SHCBP1: variants seen among roughly 807,000 people sequenced by gnomAD.
SHCBP1 encodes SHC SH2 domain-binding protein 1.
SHCBP1 carries 60 observed loss-of-function variants against 75.1 expected under a neutral mutation model. The ratio of observed to expected loss-of-function variants is 0.80; its 90% CI spans 0.65 to 0.99. SHCBP1 has a LOEUF of 0.99. Ranked by LOEUF, SHCBP1 falls within the 50% of genes least tolerant of loss-of-function variation. The pLI, the probability that SHCBP1 is intolerant of heterozygous loss-of-function variation, is 0.00. For synonymous variants in SHCBP1, 290 were observed against 293.2 expected (o/e 0.99, Z 0.11); for missense variants, 709 against 809.4 (o/e 0.88, Z 1.50).
intron 9 of SHCBP1, 71 bp from the exon 10 acceptor site, chr16:46,595,741 G>T: frequency 2.0e-6 from 2 of 1,009,612 alleles, no homozygotes; most frequent in Non-Finnish European, 1.5e-6. Context: ...ATAGCCTCGC[G>T]CTGACATTAG....
chr16:46,601,937 G>A (rs1965244517), intron 8 of SHCBP1, among the ~76,000 whole-genome samples: 1 of 152,066 alleles, frequency 6.6e-6, no homozygotes. Flanking sequence ...TATATCTCTT[G>A]TTATATTGGT....
In SHCBP1 at chr16:46,618,169, T is replaced by A. The variant is rs200208722; in HGVS notation, c.271+36A>T. Reference sequence around the variant, plus strand: ...CCAGCCTGGACAACAAGAGCGAAACTCCATCTCAAAAAAAAAAAGCAAAAA... The same window carrying A: ...CCAGCCTGGACAACAAGAGCGAAACACCATCTCAAAAAAAAAAAGCAAAAA... On this transcript the variant is annotated intron_variant, in intron 2 of 12. Coordinates refer to ENST00000303383, the MANE Select transcript of SHCBP1 (RefSeq NM_024745.5). 4.1e-4 allele frequency: 643 copies of A among 1,558,952 alleles called. 2 individuals are homozygous for A. In the African/African-American group the frequency reaches 8.0e-3, roughly 19 times the overall value.
At chr16:46,604,527 C>G in intron 5 of SHCBP1, 66 bp from the exon 6 acceptor site, 1 of 1,091,886 alleles carries the variant, frequency 9.2e-7, no homozygotes, top group Non-Finnish European at 1.4e-6. Flanking sequence ...ATTAAAACAG[C>G]CCACTTAGCC....
At chr16:46,620,818 C>T (rs892021087) in intron 1 of SHCBP1, 1 of 156,010 alleles carries the variant, frequency 6.4e-6, no homozygotes, top group African/African-American at 2.4e-5. Flanking sequence ...CACGTCACTA[C>T]CCTCCGTGCA....
intron 10 of SHCBP1, among the ~76,000 whole-genome samples, chr16:46,586,061 C>T (rs1964951168): frequency 6.6e-6 from 1 of 152,118 alleles, no homozygotes. Context: ...ATAAAAATAT[C>T]CAACTTTCAT....
At chr16:46,594,701 A>C (rs1349385243) in intron 10 of SHCBP1, among the ~76,000 whole-genome samples, 3 of 152,132 alleles carry the variant, frequency 2.0e-5, no homozygotes, top group Non-Finnish European at 4.4e-5. Context: ...AAAAAAACCT[A>C]AACATGCAAC....
intron 9 of SHCBP1, 32 bp downstream of exon 9, chr16:46,599,799 A>G: frequency 3.2e-6 from 5 of 1,564,478 alleles, no homozygotes; most frequent in Non-Finnish European, 4.3e-6. Flanking sequence ...AAATCTTAGA[A>G]CAAATGATAT....
chr16:46,584,439 A>G (rs947722631), intron 10 of SHCBP1, among the ~76,000 whole-genome samples: 1 of 152,188 alleles, frequency 6.6e-6, no homozygotes, highest in African/African-American at 2.4e-5. Flanking sequence ...TTGTTGAAAG[A>G]CACACTTATT....
At chr16:46,608,914 T>C (rs1442087835) in intron 4 of SHCBP1, among the ~76,000 whole-genome samples, 1 of 152,068 alleles carries the variant, frequency 6.6e-6, no homozygotes, top group Non-Finnish European at 1.5e-5. Flanking sequence ...TTTCTTTTTA[T>C]TGGAAGAATT....
At chr16:46,606,440 T>TC (rs1483777660) in intron 5 of SHCBP1, among the ~76,000 whole-genome samples, 1 of 152,204 alleles carries the variant, frequency 6.6e-6, no homozygotes, top group Non-Finnish European at 1.5e-5. Context: ...ACACGATTCC[T>TC]CCCTTATGCC....
intron 4 of SHCBP1, among the ~76,000 whole-genome samples, chr16:46,610,568 T>TTTTTTTTTTTTTG: frequency 7.7e-6 from 1 of 130,278 alleles, no homozygotes; most frequent in Non-Finnish European, 1.6e-5. Context: ...TTTTTTTTTT[T>TTTTTTTTTTTTTG]TTTTTGAGAC....
chr16:46,584,651 T>C (rs1386172963), intron 10 of SHCBP1, among the ~76,000 whole-genome samples: 1 of 152,166 alleles, frequency 6.6e-6, no homozygotes, highest in Non-Finnish European at 1.5e-5. Context: ...CAGCAGCCAG[T>C]TCAAGTGTCA....
chr16:46,598,896 T>C (rs1346251416), intron 9 of SHCBP1, among the ~76,000 whole-genome samples: 1 of 152,260 alleles, frequency 6.6e-6, no homozygotes, highest in Non-Finnish European at 1.5e-5. Context: ...CTTGCACTTT[T>C]ATGTTACAGA....
chr16:46,605,191 C>T (rs573032838), intron 5 of SHCBP1, among the ~76,000 whole-genome samples: 2 of 152,314 alleles, frequency 1.3e-5, no homozygotes, highest in South Asian at 2.1e-4. Flanking sequence ...AATTTATAAA[C>T]TTTCTCAAAT....
At chr16:46,603,170 A>C (rs1965268563) in intron 8 of SHCBP1, among the ~76,000 whole-genome samples, 1 of 152,234 alleles carries the variant, frequency 6.6e-6, no homozygotes, top group South Asian at 2.1e-4. Flanking sequence ...AAGAGCAAGC[A>C]ACAAATTTTT....
intron 4 of SHCBP1, among the ~76,000 whole-genome samples, chr16:46,610,267 A>C (rs1965388506): frequency 1.3e-5 from 2 of 152,148 alleles, no homozygotes; most frequent in Admixed American, 6.6e-5. Context: ...ACAAATTTTT[A>C]GTATGTATCT....
In SHCBP1 at chr16:46,618,255, T is replaced by C. The variant is rs1965533601; in HGVS notation, c.221A>G (p.Asn74Ser). The change falls in exon 2 of 13, where the codon AAT (asparagine) becomes AGT (serine). Residue 74 changes from asparagine (N) to serine (S), a missense_variant. Asn to Ser is a conservative substitution (Grantham distance 46). Transcript: ENST00000303383. ...GAATCGCTCATAGAACAAAAGTTGA[T>C]TTGTTTGGAAAATTTCTGGGAAAAA... ...KTFFPEIFQT[N>S]QLLFYERFRA... 2 of 1,613,384 alleles carry C rather than the reference T, an allele frequency of 1.2e-6. No homozygotes were observed. The highest frequency in any genetic ancestry group is 2.2e-5 in the East Asian group (1 of 44,892).
At position 46,592,951 on chromosome 16, in the gene SHCBP1, C is replaced by CAAAAAAAAAAAAAAAAAAAAAAAA; in HGVS notation, c.1464+2577_1464+2600dup. ...AACATCCACTTATGATAAAAATTCT[C>CAAAAAAAAAAAAAAAAAAAAAAAA]AAAAAAAAAAAAAAAAAAAAAAAAA... On this transcript the variant is annotated intron_variant, in intron 10 of 12. Transcript: ENST00000303383. Among the ~76,000 whole-genome samples the CAAAAAAAAAAAAAAAAAAAAAAAA allele has an allele frequency of 2.9e-3, 65 of 22,786 alleles. 8 individuals are homozygous for CAAAAAAAAAAAAAAAAAAAAAAAA. The highest frequency in any genetic ancestry group is 3.7e-3 in the Non-Finnish European group (45 of 12,156). 14.9% of individuals were successfully genotyped at this position (22,786 alleles called of 152,430 possible).
chr16:46,587,974 A>C (rs1964979263), intron 10 of SHCBP1, among the ~76,000 whole-genome samples: 1 of 152,238 alleles, frequency 6.6e-6, no homozygotes, highest in Non-Finnish European at 1.5e-5. Flanking sequence ...CTCTCAGACC[A>C]CAGTGCAATC....
Sources: allele counts gnomAD v4.1 joint callset (sites outside exome capture counted in the v4.1 genomes callset), GRCh38; gene constraint gnomAD v4.1.1; transcripts MANE v1.5; gene names NCBI Gene and HGNC (gene_info 2026-07-23, HGNC 2026-07-21).